Variants in PTPRG observed in about 807,000 individuals in gnomAD.
The protein encoded by PTPRG is protein tyrosine phosphatase receptor type G, also known as receptor-type tyrosine-protein phosphatase gamma.
PTPRG carries 102 observed loss-of-function variants against 165.3 expected under a neutral mutation model. The ratio of observed to expected loss-of-function variants is 0.62; its 90% CI spans 0.53 to 0.73. The LOEUF (loss-of-function observed/expected upper bound fraction) is 0.73, where lower values mean the gene tolerates loss of function less well. Among genes scored for constraint, PTPRG ranks in the 30% least tolerant of loss-of-function variants. PTPRG has a pLI of 0.00. For synonymous variants in PTPRG, 675 were observed against 669.5 expected (o/e 1.01, Z -0.13); for missense variants, 1,866 against 1,861.4 (o/e 1.00, Z -0.05).
chr3:62,092,685 G>A (rs764580454), intron 5 of PTPRG, among the ~76,000 whole-genome samples: 2 of 152,184 alleles, frequency 1.3e-5, no homozygotes, highest in Non-Finnish European at 2.9e-5. Context: ...AATAGGACCA[G>A]TAATAAGAGA....
chr3:61,584,552 G>A (rs1700386540), intron 1 of PTPRG, among the ~76,000 whole-genome samples: 1 of 148,496 alleles, frequency 6.7e-6, no homozygotes, highest in Admixed American at 6.8e-5. Flanking sequence ...GCAGAGCACT[G>A]TACTTTCAAG....
chr3:61,727,851 A>G (rs1281913468), intron 1 of PTPRG, among the ~76,000 whole-genome samples: 1 of 152,226 alleles, frequency 6.6e-6, no homozygotes, highest in Non-Finnish European at 1.5e-5. Flanking sequence ...TTTTCTTCTC[A>G]GCAGTTTGCG....
rs556894952 is a variant in PTPRG at position 62,260,682 on chromosome 3, G to T, written c.2560-2116G>T. Among the ~76,000 whole-genome samples the T allele has an allele frequency of 3.9e-5, 6 of 152,120 alleles. No homozygotes were observed. The East Asian group carries it at 1.2e-3, about 29-fold the overall frequency. ...CCATTGGCCAGTGTCTCTTTAAAGGGTTTTTAACACACTAAAATCCTGTTA... is the reference window on the plus strand; with the variant it reads ...CCATTGGCCAGTGTCTCTTTAAAGGTTTTTTAACACACTAAAATCCTGTTA... On this transcript the variant is annotated intron_variant, in intron 16 of 29. Transcript: ENST00000474889.
intron 28 of PTPRG, among the ~76,000 whole-genome samples, chr3:62,284,588 A>G (rs996754874): frequency 6.6e-6 from 1 of 152,088 alleles, no homozygotes; most frequent in Non-Finnish European, 1.5e-5. Flanking sequence ...CTAGTGAGAT[A>G]CTCTGAACAC....
At chr3:62,156,467 G>A (rs1311263066) in intron 6 of PTPRG, among the ~76,000 whole-genome samples, 2 of 152,166 alleles carry the variant, frequency 1.3e-5, no homozygotes, top group African/African-American at 2.4e-5. Context: ...TGGTTCCTGG[G>A]GCCATTCTTT....
rs547894291 is a variant in PTPRG at position 61,986,526 on chromosome 3, C to T, written c.191-3099C>T. ...GTCATCACATGTTGAATGAGAAACA[C>T]TATTACATTCCCTTAGTACTTAGAG... On this transcript the variant is annotated intron_variant, in intron 2 of 29. Transcript: ENST00000474889. Among the ~76,000 whole-genome samples, 21 of 152,282 alleles carry T rather than the reference C, an allele frequency of 1.4e-4. No homozygotes were observed. In the East Asian group the frequency reaches 3.9e-3, roughly 28 times the overall value.
At chr3:61,820,021 C>T (rs1276649963) in intron 2 of PTPRG, among the ~76,000 whole-genome samples, 1 of 151,950 alleles carries the variant, frequency 6.6e-6, no homozygotes, top group African/African-American at 2.4e-5. Flanking sequence ...AAAAAGAATA[C>T]ATTGGAGAAA....
intron 2 of PTPRG, among the ~76,000 whole-genome samples, chr3:61,801,972 C>T (rs1047233044): frequency 1.3e-5 from 2 of 148,926 alleles, no homozygotes; most frequent in African/African-American, 5.0e-5. Context: ...TTGCAGTGAG[C>T]TGAGATTGCA....
At position 62,103,654 on chromosome 3, in the gene PTPRG, T is replaced by G. The variant is rs149723744; in HGVS notation, c.615+25396T>G. ...CATTCTGATGTCATTTTGTGACAGT[T>G]GGTGAATAAAAGCAGCAAGCCCAGG... On this transcript the variant is annotated intron_variant, in intron 5 of 29. Transcript: ENST00000474889. 1.5e-3 allele frequency among the ~76,000 whole-genome samples: 231 copies of G among 152,314 alleles called. 3 individuals are homozygous for G. Among genetic ancestry groups the G allele is most frequent in the South Asian group, 0.012 (56 of 4,826 alleles).
chr3:62,007,928 G>T (rs940869182), intron 4 of PTPRG, among the ~76,000 whole-genome samples: 1 of 152,174 alleles, frequency 6.6e-6, no homozygotes. Flanking sequence ...CTGTAAATAC[G>T]TTACTTTATG....
intron 1 of PTPRG, among the ~76,000 whole-genome samples, chr3:61,637,891 T>A (rs1187491148): frequency 6.6e-6 from 1 of 151,432 alleles, no homozygotes; most frequent in Non-Finnish European, 1.5e-5. Context: ...CATAGCCATC[T>A]TACCATTCAT....
At chr3:62,101,941 G>A (rs1702301558) in intron 5 of PTPRG, among the ~76,000 whole-genome samples, 1 of 152,190 alleles carries the variant, frequency 6.6e-6, no homozygotes, top group Non-Finnish European at 1.5e-5. Context: ...CTCTCCTGAT[G>A]TAAGCCAAAG....
intron 2 of PTPRG, among the ~76,000 whole-genome samples, chr3:61,969,061 T>G (rs923980988): frequency 6.6e-6 from 1 of 152,240 alleles, no homozygotes; most frequent in African/African-American, 2.4e-5. Flanking sequence ...AAGTCCTGCA[T>G]GTATCAGTTT....
intron 2 of PTPRG, among the ~76,000 whole-genome samples, chr3:61,986,350 A>G (rs1047805719): frequency 2.0e-5 from 3 of 152,316 alleles, no homozygotes; most frequent in African/African-American, 7.2e-5. Context: ...ACATTTAGAT[A>G]TAAATGGTAA....
intron 2 of PTPRG, among the ~76,000 whole-genome samples, chr3:61,887,123 C>CATGCATATATATATAT: frequency 1.2e-5 from 1 of 85,946 alleles, no homozygotes; most frequent in East Asian, 8.6e-4. Context: ...CCATAGCATG[C>CATGCATATATATATAT]ATATATATAT....
chr3:62,178,048 TG>T (rs1705497152), intron 8 of PTPRG, among the ~76,000 whole-genome samples: 1 of 2,510 alleles, frequency 4.0e-4, no homozygotes, highest in Admixed American at 3.8e-3. Flanking sequence ...GTTGGGTGGG[TG>T]GGTGGGTGGA....
chr3:61,925,643 T>C, intron 2 of PTPRG, among the ~76,000 whole-genome samples: 1 of 151,990 alleles, frequency 6.6e-6, no homozygotes, highest in Non-Finnish European at 1.5e-5. Context: ...CTCAGGAGGC[T>C]GAGGCAGGAG....
At chr3:62,207,964 G>C (rs1700270138) in intron 12 of PTPRG, among the ~76,000 whole-genome samples, 1 of 152,204 alleles carries the variant, frequency 6.6e-6, no homozygotes, top group African/African-American at 2.4e-5. Context: ...AATGCCTAGT[G>C]AGCCAGAAAT....
At chr3:62,089,815 G>C (rs115448981) in intron 5 of PTPRG, among the ~76,000 whole-genome samples, 2 of 152,106 alleles carry the variant, frequency 1.3e-5, no homozygotes, top group Admixed American at 1.3e-4. Context: ...TGATAGAAGA[G>C]AGCTAACTAA....
Sources: gnomAD v4.1 joint callset for allele counts (sites outside exome capture counted in the v4.1 genomes callset) on GRCh38, gnomAD v4.1.1 for gene constraint, MANE v1.5 for transcripts, NCBI Gene and HGNC (gene_info 2026-07-23, HGNC 2026-07-21) for gene names.